Variants in ZRANB1 observed in about 807,000 individuals in gnomAD.
ZRANB1 encodes ubiquitin thioesterase ZRANB1.
A neutral mutation model predicts 80.5 loss-of-function variants in ZRANB1; 16 were observed. The observed-to-expected ratio is 0.20, with a 90% CI of 0.13 to 0.30. The LOEUF is 0.30. Ranked by LOEUF, ZRANB1 falls within the 10% of genes least tolerant of loss-of-function variation. ZRANB1 has a pLI of 1.00. For synonymous variants in ZRANB1, 291 were observed against 293.1 expected (o/e 0.99, Z 0.07); for missense variants, 576 against 862.6 (o/e 0.67, Z 4.16).
chr10:124,931,099 C>T, the ZRANB1 span, among the ~76,000 whole-genome samples: 1 of 152,036 alleles, frequency 6.6e-6, no homozygotes, highest in Non-Finnish European at 1.5e-5. Flanking sequence ...TTTTTGGAGA[C>T]AAGATTTTGC....
the ZRANB1 span, among the ~76,000 whole-genome samples, chr10:124,924,371 T>A: frequency 2.0e-5 from 3 of 151,652 alleles, no homozygotes; most frequent in Non-Finnish European, 4.4e-5. Context: ...AGTATACAAT[T>A]CAGTAGTTTT....
the ZRANB1 span, among the ~76,000 whole-genome samples, chr10:124,922,555 C>T: frequency 7.1e-3 from 1,068 of 150,130 alleles, 19 homozygotes; most frequent in African/African-American, 0.025. Context: ...TACAATGGCA[C>T]GATCTCAGCT....
upstream of ZRANB1, among the ~76,000 whole-genome samples, chr10:124,939,803 G>A (rs76492152): frequency 0.024 from 3,585 of 152,168 alleles, 141 homozygotes; most frequent in African/African-American, 0.082. Flanking sequence ...TCTGCCTAAA[G>A]AGTATGAAAA....
intron 1 of ZRANB1, among the ~76,000 whole-genome samples, chr10:124,964,214 G>C (rs1951759548): frequency 6.6e-6 from 1 of 152,100 alleles, no homozygotes; most frequent in African/African-American, 2.4e-5. Context: ...GTAAGTTCTG[G>C]TTATATTTTT....
the ZRANB1 span, among the ~76,000 whole-genome samples, chr10:124,922,184 ATCC>A: frequency 2.7e-5 from 4 of 149,830 alleles, no homozygotes; most frequent in African/African-American, 4.9e-5. Flanking sequence ...GGCTCAACCA[ATCC>A]TCTTGCCTTG....
chr10:124,929,048 G>A, the ZRANB1 span, among the ~76,000 whole-genome samples: 5 of 152,154 alleles, frequency 3.3e-5, no homozygotes, highest in Admixed American at 6.5e-5. Flanking sequence ...TGGATAGAGT[G>A]GAAGTGCTAG....
chr10:124,941,135 T>G (rs1228657188), upstream of ZRANB1, among the ~76,000 whole-genome samples: 1 of 151,984 alleles, frequency 6.6e-6, no homozygotes, highest in Non-Finnish European at 1.5e-5. Flanking sequence ...AAATAGGTGT[T>G]GGGATGATAC....
chr10:124,925,231 A>G, the ZRANB1 span, among the ~76,000 whole-genome samples: 1 of 152,022 alleles, frequency 6.6e-6, no homozygotes, highest in Non-Finnish European at 1.5e-5. Context: ...TCTGCCAGCA[A>G]TATATGTTCC....
intron 1 of ZRANB1, among the ~76,000 whole-genome samples, chr10:124,963,554 GT>G (rs760813299): frequency 0.061 from 3,532 of 57,752 alleles, 144 homozygotes; most frequent in African/African-American, 0.17. Flanking sequence ...TTTTTTGTTT[GT>G]TTTTTTTTTT....
intron 5 of ZRANB1, among the ~76,000 whole-genome samples, chr10:124,975,431 C>T (rs1951868200): frequency 6.6e-6 from 1 of 152,202 alleles, no homozygotes; most frequent in Admixed American, 6.5e-5. Context: ...CCCATTCCTA[C>T]ATCTAAGTAA....
chr10:124,969,233 G>A (rs147379379), intron 2 of ZRANB1, among the ~76,000 whole-genome samples: 10 of 152,304 alleles, frequency 6.6e-5, no homozygotes, highest in African/African-American at 2.4e-4. Context: ...GATTTAGGAA[G>A]CAACATACCA....
intron 2 of ZRANB1, among the ~76,000 whole-genome samples, chr10:124,969,757 TA>T (rs922033381): frequency 4.6e-5 from 7 of 152,246 alleles, no homozygotes; most frequent in Admixed American, 3.9e-4. Flanking sequence ...TAACTTGAAT[TA>T]AAACCAAATT....
chr10:124,946,232 A>C (rs903738517), intron 1 of ZRANB1: 1 of 152,262 alleles, frequency 6.6e-6, no homozygotes, highest in Non-Finnish European at 1.5e-5. Context: ...CAGCCTGACC[A>C]ACATGAAGAA....
rs1413515738 is a variant in ZRANB1, at chr10:124,985,111, G to A, written c.*119G>A. 7.8e-6 allele frequency: 6 copies of A among 772,264 alleles called. No individual in the cohort carries two copies. Among genetic ancestry groups the A allele is most frequent in the South Asian group, 3.5e-5 (2 of 56,504 alleles). The allele number at this position is 772,264 out of a possible 1,614,324, so 47.8% of individuals were successfully genotyped here. ...GAACCAAATCTGGCAGGATCTGCTC[G>A]GGGAAGTGTTTTCCTGGACCACACA... On this transcript the variant is annotated 3_prime_UTR_variant, in exon 9 of 9. Transcript: ENST00000359653.
rs574837065 is a variant in ZRANB1, at chr10:124,972,094, C to G, written c.1132C>G (p.Leu378Val). 28 of 1,612,798 alleles carry G rather than the reference C, an allele frequency of 1.7e-5. No individual in the cohort carries two copies. Among genetic ancestry groups the G allele is most frequent in the Non-Finnish European group, 2.3e-5 (27 of 1,179,636 alleles). ...TTTTGCTTGCTATTTTCTGACTGACCTTGTAACATTTACATTGCCAGCAGG... is the reference window on the plus strand; with the variant it reads ...TTTTGCTTGCTATTTTCTGACTGACGTTGTAACATTTACATTGCCAGCAGG... ...GDFACYFLTD[L>V]VTFTLPADIE... Residue 378 changes from leucine to valine, a missense_variant, in exon 3 of 9, where the codon CTT becomes GTT. Leu to Val is a conservative substitution (Grantham distance 32, BLOSUM62 1). Coordinates refer to ENST00000359653, the MANE Select transcript of ZRANB1 (RefSeq NM_017580.3).
At chr10:124,956,569 A>G (rs1951689010) in intron 1 of ZRANB1, among the ~76,000 whole-genome samples, 1 of 152,136 alleles carries the variant, frequency 6.6e-6, no homozygotes, top group Non-Finnish European at 1.5e-5. Context: ...CCCAGGCTCC[A>G]GCGATTCTTG....
chr10:124,963,072 C>G (rs764068527), intron 1 of ZRANB1, among the ~76,000 whole-genome samples: 20 of 152,058 alleles, frequency 1.3e-4, no homozygotes, highest in Non-Finnish European at 2.2e-4. Context: ...TCGAGATCAA[C>G]CTGATCAATA....
chr10:124,932,989 C>T, the ZRANB1 span, among the ~76,000 whole-genome samples: 2 of 152,180 alleles, frequency 1.3e-5, no homozygotes, highest in East Asian at 3.9e-4. Flanking sequence ...TTTAAGAGTT[C>T]TTCGTGTATT....
At chr10:124,934,038 T>G in the ZRANB1 span, among the ~76,000 whole-genome samples, 1 of 151,956 alleles carries the variant, frequency 6.6e-6, no homozygotes, top group Non-Finnish European at 1.5e-5. Context: ...AACAAGACCA[T>G]TAGAGTTGTA....
Sources: allele counts gnomAD v4.1 joint callset (sites outside exome capture counted in the v4.1 genomes callset), GRCh38; gene constraint gnomAD v4.1.1; transcripts MANE v1.5; gene names NCBI Gene and HGNC (gene_info 2026-07-23, HGNC 2026-07-21).